The following ERCC6 variants were observed in gnomAD, a reference collection of about 807,000 sequenced individuals.
ERCC6 encodes the protein ERCC excision repair 6, chromatin remodeling factor.
ERCC6 carries 116 observed loss-of-function variants against 158.7 expected under a neutral mutation model. That is an observed-to-expected ratio of 0.73 (90% CI 0.63 to 0.85). ERCC6 has a LOEUF of 0.85. Among genes scored for constraint, ERCC6 ranks in the 40% least tolerant of loss-of-function variants. The probability of loss-of-function intolerance (pLI) is 0.00; values close to 1 mark genes in which losing one functional copy is unlikely to be tolerated. For missense variants in ERCC6, 1,698 were observed against 1,799.4 expected (o/e 0.94, Z 1.02); for synonymous variants, 678 against 659.3 (o/e 1.03, Z -0.43).
At chr10:49,464,777 T>C (rs1258355951) in intron 18 of ERCC6, among the ~76,000 whole-genome samples, 2 of 152,208 alleles carry the variant, frequency 1.3e-5, no homozygotes, top group Non-Finnish European at 2.9e-5. Flanking sequence ...CCACACAGTG[T>C]TGAGCCTGAG....
intron 8 of ERCC6, among the ~76,000 whole-genome samples, chr10:49,488,659 A>C (rs11101141): frequency 7.0e-6 from 1 of 143,548 alleles, no homozygotes; most frequent in South Asian, 2.2e-4. Context: ...TTTTTTTTTT[A>C]AAGTTTTTTA....
chr10:49,530,764 T>C lies in ERCC6; in HGVS notation c.499A>G (p.Ile167Val), dbSNP rs1227815590. 1 of 1,613,764 alleles carries C rather than the reference T, an allele frequency of 6.2e-7. No homozygotes were observed. Among genetic ancestry groups the C allele is most frequent in the African/African-American group, 1.3e-5 (1 of 74,932 alleles). Reference protein sequence around the residue: ...LSPQAATSRDINRKLDSVKRQ... With the variant: ...LSPQAATSRDVNRKLDSVKRQ... ...TTTACAGAATCTAGTTTCCTGTTGA[T>C]GTCTCTGCTGGTGGCAGCTTGAGGG... Residue 167 changes from isoleucine (I) to valine (V), a missense_variant, in exon 3 of 21, where the codon ATC (isoleucine) becomes GTC (valine). Ile to Val is a conservative substitution (Grantham distance 29). Transcript: ENST00000355832.
the ERCC6 span, among the ~76,000 whole-genome samples, chr10:49,443,834 G>T: frequency 2.0e-5 from 3 of 152,200 alleles, no homozygotes; most frequent in Non-Finnish European, 4.4e-5. Context: ...TACCACTGAG[G>T]TTTGGATAAG....
At position 49,455,988 on chromosome 10, in the gene ERCC6, A is replaced by C. The variant is rs1417114403; in HGVS notation, c.*2827T>G. 6.6e-6 allele frequency: 1 copy of C among 152,232 alleles called. No homozygotes were observed. Among genetic ancestry groups the C allele is most frequent in the Admixed American group, 6.5e-5 (1 of 15,284 alleles). 9.4% of individuals were successfully genotyped at this position (152,232 alleles called of 1,614,324 possible). A position where few individuals can be genotyped will look rare whatever the true frequency, so the allele number is the denominator to read the frequency against. ...CATTTAAAATCTACATCATTAATCC[A>C]ACAATTCTGTGCAGGCAGAGCTATA... On this transcript the variant is annotated 3_prime_UTR_variant, in exon 21 of 21. Coordinates refer to ENST00000355832, the MANE Select transcript of ERCC6 (RefSeq NM_000124.4).
At position 49,516,498 on chromosome 10, in the gene ERCC6, G is replaced by C. The variant is rs764199614; in HGVS notation, c.1397+7535C>G. 6 of 1,614,114 alleles carry C rather than the reference G, an allele frequency of 3.7e-6. No homozygotes were observed. In the East Asian group the frequency reaches 1.1e-4, roughly 30 times the overall value. On this transcript the variant is annotated intron_variant, in intron 5 of 20. Transcript: ENST00000355832. ...ACTAACCAGTACATTATGCACATCT[G>C]TTCTTTGTTCCCAAAACATACGCCT...
chr10:49,447,769 T>C, the ERCC6 span, among the ~76,000 whole-genome samples: 1 of 152,048 alleles, frequency 6.6e-6, no homozygotes, highest in Non-Finnish European at 1.5e-5. Flanking sequence ...TCACAACCAT[T>C]CATCTGCTTT....
intron 4 of ERCC6, 89 bp downstream of exon 4, chr10:49,528,328 C>G: frequency 6.6e-7 from 1 of 1,505,354 alleles, no homozygotes. Flanking sequence ...TCTCAAAACC[C>G]AGGCAAAGAC....
intron 4 of ERCC6, among the ~76,000 whole-genome samples, chr10:49,527,224 C>T (rs1331168822): frequency 6.6e-6 from 1 of 152,176 alleles, no homozygotes; most frequent in Non-Finnish European, 1.5e-5. Flanking sequence ...TAGCTATTAA[C>T]CCTACTACCA....
Position 49,457,882 on chromosome 10 carries a change from C to T in ERCC6, c.*933G>A, listed in dbSNP as rs3750751. 0.083 allele frequency: 12,661 copies of T among 152,256 alleles called. 653 individuals are homozygous for T. Among genetic ancestry groups the T allele is most frequent in the South Asian group, 0.19 (905 of 4,822 alleles). 9.4% of individuals were successfully genotyped at this position (152,256 alleles called of 1,614,324 possible). ...TTGGCTGGAATCCAAACCGCAGAAA[C>T]AAGAAAGCCCGTCGCAAGGAATGCA... On this transcript the variant is annotated 3_prime_UTR_variant, in exon 21 of 21. Coordinates refer to ENST00000355832, the MANE Select transcript of ERCC6 (RefSeq NM_000124.4).
At chr10:49,515,447 G>A (rs777790671) in intron 5 of ERCC6, 1 of 1,613,968 alleles carries the variant, frequency 6.2e-7, no homozygotes, top group Non-Finnish European at 8.5e-7. Flanking sequence ...TTCCCTGTTT[G>A]ACTATCACAT....
At chr10:49,532,244 C>T (rs1837485937) in intron 2 of ERCC6, among the ~76,000 whole-genome samples, 1 of 152,192 alleles carries the variant, frequency 6.6e-6, no homozygotes, top group Non-Finnish European at 1.5e-5. Context: ...TTTAGGTGCA[C>T]CTCTCCTGAG....
At chr10:49,530,986 G>T in intron 2 of ERCC6, 146 bp from the exon 3 acceptor site, 1 of 1,171,324 alleles carries the variant, frequency 8.5e-7, no homozygotes, top group Non-Finnish European at 1.2e-6. Flanking sequence ...TACCCTTATT[G>T]GCCACAAATA....
rs1564730556 is a variant in ERCC6, at chr10:49,472,960, TG to T, written c.2777del (p.Ala926GlufsTer26). The T allele has an allele frequency of 6.2e-7, 1 of 1,614,152 alleles. No homozygotes were observed. Among genetic ancestry groups the T allele is most frequent in the Admixed American group, 1.7e-5 (1 of 60,036 alleles). On this transcript the variant is annotated frameshift_variant, in exon 15 of 21. Transcript: ENST00000355832. LOFTEE classifies it high-confidence loss of function. ...CTGGGTCATAGATGACAACTCTGTTTGCCCCCGTCAGGTTGACACCTAAGCC... is the reference window on the plus strand; with the variant it reads ...CTGGGTCATAGATGACAACTCTGTTTCCCCCGTCAGGTTGACACCTAAGCC... ...VGGLGVNLTG[A>X]NRVVIYDPDW...
Position 49,473,484 on chromosome 10 carries a change from TATCTCGTA to T in ERCC6, c.2694_2701del (p.Thr899GlnfsTer2). ...GTTACATTCACATGTTACCTCATTG[TATCTCGTA>T]ATCAGTGGCTGTCTTGAAGCTATTG... On this transcript the variant is annotated frameshift_variant, in exon 14 of 21. Transcript: ENST00000355832. LOFTEE classifies it high-confidence loss of function. The T allele has an allele frequency of 6.3e-7, 1 of 1,594,384 alleles. No homozygotes were observed. Among genetic ancestry groups the T allele is most frequent in the Non-Finnish European group, 8.6e-7 (1 of 1,161,888 alleles).
At chr10:49,481,264 G>C (rs749165520) in intron 10 of ERCC6, among the ~76,000 whole-genome samples, 33 of 152,118 alleles carry the variant, frequency 2.2e-4, no homozygotes, top group Admixed American at 1.7e-3. Context: ...TGTTAAGAAG[G>C]TTTTCTTGTT....
At chr10:49,471,440 C>T (rs1475247234) in intron 16 of ERCC6, among the ~76,000 whole-genome samples, 1 of 152,134 alleles carries the variant, frequency 6.6e-6, no homozygotes, top group African/African-American at 2.4e-5. Flanking sequence ...TCTTAGCCTC[C>T]TTGACTTGAA....
chr10:49,449,054 A>C, the ERCC6 span, among the ~76,000 whole-genome samples: 30 of 152,324 alleles, frequency 2.0e-4, no homozygotes, highest in African/African-American at 6.7e-4. Context: ...AGAAATTGCA[A>C]CTGTTTTCTA....
intron 11 of ERCC6, among the ~76,000 whole-genome samples, chr10:49,477,221 CA>C (rs542571130): frequency 4.9e-4 from 74 of 152,280 alleles, no homozygotes; most frequent in African/African-American, 1.7e-3. Context: ...CTACCAGGAT[CA>C]GGCATGATTC....
intron 8 of ERCC6, among the ~76,000 whole-genome samples, chr10:49,489,850 A>G (rs535968387): frequency 4.6e-5 from 7 of 152,294 alleles, no homozygotes; most frequent in Admixed American, 1.3e-4. Context: ...TTATCTCTTC[A>G]TTTACTACAT....
Sources: allele counts gnomAD v4.1 joint callset (sites outside exome capture counted in the v4.1 genomes callset), GRCh38; gene constraint gnomAD v4.1.1; transcripts MANE v1.5; gene names NCBI Gene and HGNC (gene_info 2026-07-23, HGNC 2026-07-21).